The following KIFAP3 variants were observed in gnomAD, a reference collection of about 807,000 sequenced individuals.
KIFAP3 encodes the protein kinesin associated protein 3.
In KIFAP3, 68 loss-of-function variants were observed where a neutral mutation model predicts 106.5. The ratio of observed to expected loss-of-function variants is 0.64; its 90% CI spans 0.53 to 0.78. The LOEUF is 0.78. Ranked by LOEUF, KIFAP3 falls within the 30% of genes least tolerant of loss-of-function variation. The probability of loss-of-function intolerance (pLI) is 0.00; values close to 1 mark genes in which losing one functional copy is unlikely to be tolerated. For synonymous variants in KIFAP3, 320 were observed against 311.5 expected, an observed-to-expected ratio of 1.03 and a Z score of -0.29; for missense variants, 780 against 941.8, an observed-to-expected ratio of 0.83 and a Z score of 2.25.
intron 8 of KIFAP3, among the ~76,000 whole-genome samples, chr1:170,029,869 T>G (rs1669304140): frequency 6.6e-6 from 1 of 151,884 alleles, no homozygotes; most frequent in African/African-American, 2.4e-5. Flanking sequence ...ATCAATTCAG[T>G]AGATAAAAGA....
At chr1:170,069,992 C>T (rs746845368) in intron 1 of KIFAP3, among the ~76,000 whole-genome samples, 4 of 151,898 alleles carry the variant, frequency 2.6e-5, no homozygotes, top group African/African-American at 4.8e-5. Context: ...TCAGAACACA[C>T]CAAAAAAATC....
intron 19 of KIFAP3, among the ~76,000 whole-genome samples, chr1:169,932,347 TA>T (rs1663540075): frequency 6.6e-6 from 1 of 152,128 alleles, no homozygotes; most frequent in Non-Finnish European, 1.5e-5. Flanking sequence ...TCTAAGACCT[TA>T]AACATAATTC....
chr1:170,032,022 G>A (rs1258322567), intron 7 of KIFAP3, 38 bp from the exon 8 acceptor site: 7 of 1,166,802 alleles, frequency 6.0e-6, no homozygotes, highest in Admixed American at 3.7e-5. Flanking sequence ...ACTCATTGAA[G>A]CAAAAAAAAT....
At chr1:170,022,038 C>T (rs1668866715) in intron 9 of KIFAP3, among the ~76,000 whole-genome samples, 1 of 147,794 alleles carries the variant, frequency 6.8e-6, no homozygotes, top group African/African-American at 2.5e-5. Context: ...CAACTTCCAC[C>T]TCCTGGGTTC....
intron 17 of KIFAP3, among the ~76,000 whole-genome samples, chr1:169,961,567 T>C (rs185388954): frequency 3.0e-4 from 45 of 152,250 alleles, no homozygotes; most frequent in Admixed American, 1.4e-3. Flanking sequence ...TGACTATAAT[T>C]AAAGTTGACC....
At chr1:170,017,665 C>A (rs556641027) in intron 9 of KIFAP3, among the ~76,000 whole-genome samples, 15 of 152,248 alleles carry the variant, frequency 9.9e-5, no homozygotes, top group African/African-American at 3.6e-4. Context: ...GTGAAGTGTT[C>A]TGAAAGATTT....
At chr1:169,990,272 T>G (rs1204901555) in intron 11 of KIFAP3, 1 of 493,196 alleles carries the variant, frequency 2.0e-6, no homozygotes, top group Non-Finnish European at 3.4e-6. Flanking sequence ...TAACATTGAC[T>G]AGATTGACTT....
intron 19 of KIFAP3, among the ~76,000 whole-genome samples, chr1:169,934,461 A>C (rs1663673781): frequency 6.6e-6 from 1 of 152,142 alleles, no homozygotes; most frequent in Admixed American, 6.6e-5. Context: ...TTTATTTTCA[A>C]AGTAGTAAAT....
chr1:169,969,344 G>C (rs1357452622), intron 17 of KIFAP3, among the ~76,000 whole-genome samples: 2 of 151,934 alleles, frequency 1.3e-5, no homozygotes, highest in Non-Finnish European at 2.9e-5. Flanking sequence ...TTATTAATAA[G>C]ACCACCTTTT....
chr1:169,939,005 C>T (rs764721792), intron 19 of KIFAP3, among the ~76,000 whole-genome samples: 1 of 152,024 alleles, frequency 6.6e-6, no homozygotes, highest in African/African-American at 2.4e-5. Flanking sequence ...TAATGAAGGA[C>T]TTTATAGAAC....
chr1:169,959,245 G>A (rs1665190109), intron 18 of KIFAP3, among the ~76,000 whole-genome samples: 1 of 152,072 alleles, frequency 6.6e-6, no homozygotes, highest in South Asian at 2.1e-4. Context: ...AAAGGAGGCT[G>A]ATATTATCTA....
intron 8 of KIFAP3, among the ~76,000 whole-genome samples, chr1:170,026,050 A>G (rs1358777261): frequency 1.3e-5 from 2 of 152,208 alleles, no homozygotes; most frequent in African/African-American, 2.4e-5. Context: ...AGAGACCGAC[A>G]GAGTGGGAAG....
rs548526087 is a variant in KIFAP3, at chr1:170,058,823, C to A, written c.33-3387G>T. ...CTAACCAAATCTAATCTTTCCTTGC[C>A]TACTCAAAGGTGCTCTTCAGTAATT... On this transcript the variant is annotated intron_variant, in intron 1 of 19. Transcript: ENST00000361580. 1.8e-3 allele frequency among the ~76,000 whole-genome samples: 279 copies of A among 152,148 alleles called. 3 individuals carry two copies. The highest frequency in any genetic ancestry group is 6.6e-3 in the African/African-American group (273 of 41,522).
At position 169,988,640 on chromosome 1, in the gene KIFAP3, A is replaced by G. The variant is rs540210458; in HGVS notation, c.1284+3515T>C. 2.4e-3 allele frequency among the ~76,000 whole-genome samples: 372 copies of G among 152,130 alleles called. 2 individuals carry two copies. Among genetic ancestry groups the G allele is most frequent in the African/African-American group, 8.7e-3 (361 of 41,564 alleles). ...ATTACTTTGAGTAGCCAATACCTCT[A>G]AAGGAGTACCTTTTTAATTCCTGAA... On this transcript the variant is annotated intron_variant, in intron 11 of 19. Coordinates refer to ENST00000361580, the MANE Select transcript of KIFAP3 (RefSeq NM_014970.4).
At chr1:170,074,755 C>A (rs766118350), upstream of KIFAP3, 106 of 1,306,060 alleles carry the variant, frequency 8.1e-5, no homozygotes, top group Middle Eastern at 1.2e-3. Context: ...CAGGCTCAGT[C>A]TGAGGCGGTG....
intron 10 of KIFAP3, among the ~76,000 whole-genome samples, chr1:170,011,348 G>A (rs962672543): frequency 2.6e-5 from 4 of 151,774 alleles, no homozygotes; most frequent in Non-Finnish European, 1.5e-5. Context: ...AAACCAACCA[G>A]GAAGATCAAA....
rs1267015230 is a variant in KIFAP3, at chr1:170,005,942, A to T, written c.1183+10520T>A. ...AAGAAAACTGTTTTCTGTGTCCCTG[A>T]TCTCTCATTTGGCAACCATTAGCCC... On this transcript the variant is annotated intron_variant, in intron 10 of 19. Coordinates refer to ENST00000361580, the MANE Select transcript of KIFAP3 (RefSeq NM_014970.4). Among the ~76,000 whole-genome samples, 33 of 151,884 alleles carry T rather than the reference A, an allele frequency of 2.2e-4. 1 individual carries two copies. The highest frequency in any genetic ancestry group is 2.2e-3 in the Admixed American group (33 of 15,254).
chr1:169,962,443 G>C (rs1665389948), intron 17 of KIFAP3, among the ~76,000 whole-genome samples: 1 of 152,202 alleles, frequency 6.6e-6, no homozygotes, highest in Middle Eastern at 3.4e-3. Context: ...TGATAGCATG[G>C]ATAGAAAATA....
chr1:169,995,101 A>G (rs1667304014), intron 10 of KIFAP3, among the ~76,000 whole-genome samples: 1 of 152,122 alleles, frequency 6.6e-6, no homozygotes, highest in Non-Finnish European at 1.5e-5. Flanking sequence ...CAATCTAAAT[A>G]TGTAAGATTT....
Sources: gnomAD v4.1 joint callset for allele counts (sites outside exome capture counted in the v4.1 genomes callset) on GRCh38, gnomAD v4.1.1 for gene constraint, MANE v1.5 for transcripts, NCBI Gene and HGNC (gene_info 2026-07-23, HGNC 2026-07-21) for gene names.